Variants in MOBP observed in about 807,000 individuals in gnomAD.
MOBP encodes myelin associated oligodendrocyte basic protein.
In MOBP, 5 loss-of-function variants were observed where a neutral mutation model predicts 15.0. The ratio of observed to expected loss-of-function variants is 0.33; its 90% CI spans 0.17 to 0.70. The LOEUF (loss-of-function observed/expected upper bound fraction) is 0.70, where lower values mean the gene tolerates loss of function less well. Ranked by LOEUF, MOBP falls within the 30% of genes least tolerant of loss-of-function variation. The probability of loss-of-function intolerance (pLI) is 0.67; values close to 1 mark genes in which losing one functional copy is unlikely to be tolerated. For missense variants in MOBP, 188 were observed against 257.8 expected (o/e 0.73, Z 1.85); for synonymous variants, 88 against 99.0 (o/e 0.89, Z 0.66).
chr3:39,479,581 C>G (rs1219300736), intron 1 of MOBP, among the ~76,000 whole-genome samples: 1 of 152,036 alleles, frequency 6.6e-6, no homozygotes, highest in Non-Finnish European at 1.5e-5. Flanking sequence ...ACAAAGAACA[C>G]ATCTCTTCTT....
intron 1 of MOBP, among the ~76,000 whole-genome samples, chr3:39,468,325 C>G (rs1291434514): frequency 6.6e-6 from 1 of 152,042 alleles, no homozygotes; most frequent in Admixed American, 6.6e-5. Context: ...GTTTTCAGTT[C>G]TATGGATGAC....
At chr3:39,501,054 C>T (rs1204586549) in intron 2 of MOBP, among the ~76,000 whole-genome samples, 1 of 152,180 alleles carries the variant, frequency 6.6e-6, no homozygotes, top group Non-Finnish European at 1.5e-5. Context: ...AAGACAACCA[C>T]ACCAACAGAC....
In MOBP at chr3:39,475,610, T is replaced by C. The variant is rs558594773; in HGVS notation, c.-88-4430T>C. On this transcript the variant is annotated intron_variant, in intron 1 of 3. Transcript: ENST00000684792. The stretch of plus-strand genomic sequence containing the variant: ...ATTTATTTATTTATTCAGTTATTTA[T>C]TTATATCAGTATAAGCCCAACAATA... Among the ~76,000 whole-genome samples, 13 of 152,330 alleles carry C rather than the reference T, an allele frequency of 8.5e-5. No homozygotes were observed. The South Asian group carries it at 2.3e-3, about 27-fold the overall frequency.
At chr3:39,528,579 G>A (rs1391809398), downstream of MOBP, 1 of 152,230 alleles carries the variant, frequency 6.6e-6, no homozygotes, top group Non-Finnish European at 1.5e-5. Context: ...CCCCAATTAT[G>A]TGAGGTCTAC....
chr3:39,482,006 C>A lies in MOBP; in HGVS notation c.-5+1883C>A, dbSNP rs77343353. On this transcript the variant is annotated intron_variant, in intron 2 of 3. Coordinates refer to ENST00000684792, the MANE Select transcript of MOBP (RefSeq NM_001393704.1). ...CCTATACTCCAACAACTTTCAAATT[C>A]TATCTCGAGCCAACTTCTCCTCTGA... Among the ~76,000 whole-genome samples, 785 of 152,310 alleles carry A rather than the reference C, an allele frequency of 5.2e-3. 10 individuals carry two copies. The highest frequency in any genetic ancestry group is 0.017 in the African/African-American group (688 of 41,564).
intron 4 of MOBP, among the ~76,000 whole-genome samples, chr3:39,510,961 G>T (rs1412374750): frequency 6.6e-6 from 1 of 152,174 alleles, no homozygotes; most frequent in Non-Finnish European, 1.5e-5. Flanking sequence ...GTTTATTCCT[G>T]TGCTTTCTTT....
intron 2 of MOBP, among the ~76,000 whole-genome samples, chr3:39,496,721 T>C (rs2042890770): frequency 6.6e-6 from 1 of 151,296 alleles, no homozygotes; most frequent in Admixed American, 6.6e-5. Context: ...TGGATTGCAA[T>C]AGTGCAATCT....
chr3:39,488,763 C>G (rs1473552048), intron 2 of MOBP, among the ~76,000 whole-genome samples: 1 of 152,146 alleles, frequency 6.6e-6, no homozygotes, highest in Non-Finnish European at 1.5e-5. Context: ...TACAACAAAT[C>G]GCACATCCAG....
rs2042987511 is a variant in MOBP, at chr3:39,502,514, A to G, written c.207-21A>G. On this transcript the variant is annotated intron_variant, in intron 3 of 3. Transcript: ENST00000684792. This position sits in a 1 kb window ranked among gnomAD's most constrained non-coding sequence, Gnocchi z 6.3. ...GAGGAGAGCCCTGGCTCCCGCCTCC[A>G]GCTTCTTTTGGCCCTCTCAGAACCA... 1.9e-6 allele frequency: 3 copies of G among 1,566,812 alleles called. No individual in the cohort carries two copies. The highest frequency in any genetic ancestry group is 1.7e-4 in the Middle Eastern group (1 of 5,990).
intron 2 of MOBP, among the ~76,000 whole-genome samples, chr3:39,494,742 A>G (rs561015048): frequency 4.0e-5 from 6 of 150,110 alleles, no homozygotes; most frequent in African/African-American, 1.5e-4. Flanking sequence ...TACATTAGTT[A>G]CAATTTTTTA....
chr3:39,468,842 T>C lies in MOBP; in HGVS notation c.-89+1102T>C, dbSNP rs187370341. Among the ~76,000 whole-genome samples, 13 of 115,516 alleles carry C rather than the reference T, an allele frequency of 1.1e-4. 2 individuals are homozygous for C. The highest frequency in any genetic ancestry group is 9.0e-4 in the East Asian group (4 of 4,434). The allele number at this position is 115,516 out of a possible 152,430, so 75.8% of individuals were successfully genotyped here. A position where few individuals can be genotyped will look rare whatever the true frequency, so the allele number is the denominator to read the frequency against. ...TACATATTACATATGTGTGTATATA[T>C]ACATATATACATGAGTGTGTATATA... is the stretch of plus-strand genomic sequence containing the variant. On this transcript the variant is annotated intron_variant, in intron 1 of 3. Coordinates refer to ENST00000684792, the MANE Select transcript of MOBP (RefSeq NM_001393704.1).
chr3:39,479,838 C>T lies in MOBP; in HGVS notation c.-88-202C>T, dbSNP rs187651736. ...TTTTTTTTTCTGTATAATGTTAAGG[C>T]GGTTATTAAAAGTTTACACGTGATT... On this transcript the variant is annotated intron_variant, in intron 1 of 3. Coordinates refer to ENST00000684792, the MANE Select transcript of MOBP (RefSeq NM_001393704.1). Among the ~76,000 whole-genome samples, 5 of 149,794 alleles carry T rather than the reference C, an allele frequency of 3.3e-5. No homozygotes were observed. In the East Asian group the frequency reaches 7.8e-4, roughly 23 times the overall value.
chr3:39,484,327 C>G (rs2042669809), intron 2 of MOBP, among the ~76,000 whole-genome samples: 1 of 152,192 alleles, frequency 6.6e-6, no homozygotes, highest in African/African-American at 2.4e-5. Flanking sequence ...AGACCAAACC[C>G]TGAGGGGTCT....
At chr3:39,480,494 T>C (rs1211713194) in intron 2 of MOBP, among the ~76,000 whole-genome samples, 1 of 152,212 alleles carries the variant, frequency 6.6e-6, no homozygotes, top group Non-Finnish European at 1.5e-5. Flanking sequence ...TAACTGAATC[T>C]AGCCAGTTCT....
chr3:39,494,393 A>G (rs535878), intron 2 of MOBP, among the ~76,000 whole-genome samples: 54,010 of 151,612 alleles, frequency 0.36, 13,265 homozygotes, highest in African/African-American at 0.7. Context: ...TTGAATGCTT[A>G]CTTCACTTTT....
intron 1 of MOBP, among the ~76,000 whole-genome samples, chr3:39,479,085 C>T (rs2042587124): frequency 6.6e-6 from 1 of 152,112 alleles, no homozygotes; most frequent in Non-Finnish European, 1.5e-5. Context: ...GCCTCGGCCT[C>T]CCAAAGTGTT....
chr3:39,480,147 T>C (rs1291196215), intron 2 of MOBP, 24 bp downstream of exon 2: 2 of 152,172 alleles, frequency 1.3e-5, no homozygotes, highest in Non-Finnish European at 2.9e-5. Flanking sequence ...TCTTATAGCC[T>C]TTTGGATCTG....
At chr3:39,503,658 T>TTTTATTATTTA (rs10662939), downstream of MOBP, among the ~76,000 whole-genome samples, 105,671 of 147,736 alleles carry the variant, frequency 0.72, 38,402 homozygotes, top group Non-Finnish European at 0.75. Context: ...CTGGCCAATT[T>TTTTATTATTTA]TTTATTTATT....
At chr3:39,515,055 C>T (rs923371770) in exon 5 of MOBP, 1 of 152,748 alleles carries the variant, frequency 6.5e-6, no homozygotes, top group Non-Finnish European at 1.5e-5. Context: ...TCTATGGGCT[C>T]TCATTTTCTC....
Sources: allele counts gnomAD v4.1 joint callset (sites outside exome capture counted in the v4.1 genomes callset), GRCh38; gene constraint gnomAD v4.1.1; non-coding constraint Gnocchi (gnomAD v3.1); transcripts MANE v1.5; gene names NCBI Gene and HGNC (gene_info 2026-07-23, HGNC 2026-07-21).